The following PLCB1 variants were observed in gnomAD, a reference collection of about 807,000 sequenced individuals.
PLCB1 encodes phospholipase C beta 1, also known as 1-phosphatidylinositol 4,5-bisphosphate phosphodiesterase beta-1.
PLCB1 carries 46 observed loss-of-function variants against 161.8 expected under a neutral mutation model. The observed-to-expected ratio is 0.28, with a 90% CI of 0.22 to 0.36. The LOEUF is 0.36. Ranked by LOEUF, PLCB1 falls within the 10% of genes least tolerant of loss-of-function variation. PLCB1 has a pLI of 1.00. For missense variants in PLCB1, 1,016 were observed against 1,472.5 expected (o/e 0.69, Z 5.07); for synonymous variants, 517 against 503.7 (o/e 1.03, Z -0.35).
At chr20:8,407,690 T>C (rs1339940168) in intron 3 of PLCB1, among the ~76,000 whole-genome samples, 2 of 152,042 alleles carry the variant, frequency 1.3e-5, no homozygotes, top group African/African-American at 4.8e-5. Context: ...AGGTTGAGAT[T>C]TGGGTGGGGA....
At chr20:8,841,200 C>T (rs1264031157) in intron 31 of PLCB1, among the ~76,000 whole-genome samples, 1 of 152,094 alleles carries the variant, frequency 6.6e-6, no homozygotes, top group Non-Finnish European at 1.5e-5. Flanking sequence ...AAAAATAAGT[C>T]ATCACCATTT....
At chr20:8,180,988 T>C (rs2051836018) in intron 2 of PLCB1, among the ~76,000 whole-genome samples, 1 of 151,554 alleles carries the variant, frequency 6.6e-6, no homozygotes, top group Admixed American at 6.6e-5. Flanking sequence ...TGTGCGTGTG[T>C]GTGTAAAGAA....
At chr20:8,399,376 A>G (rs1043050477) in intron 3 of PLCB1, among the ~76,000 whole-genome samples, 1 of 152,110 alleles carries the variant, frequency 6.6e-6, no homozygotes, top group African/African-American at 2.4e-5. Flanking sequence ...CAAAAAGTCC[A>G]ACTTTTGTCT....
intron 2 of PLCB1, among the ~76,000 whole-genome samples, chr20:8,213,374 C>T (rs1978936573): frequency 1.3e-5 from 2 of 152,100 alleles, no homozygotes; most frequent in African/African-American, 4.8e-5. Flanking sequence ...GGGAAGTGAT[C>T]TTAGCTCCAA....
chr20:8,368,235 A>G (rs922811868), intron 2 of PLCB1, among the ~76,000 whole-genome samples: 2 of 152,312 alleles, frequency 1.3e-5, no homozygotes, highest in Admixed American at 1.3e-4. Context: ...CCTTAAATAG[A>G]AAATATTACG....
At chr20:8,876,135 GA>G (rs1343401883) in intron 31 of PLCB1, among the ~76,000 whole-genome samples, 2 of 152,260 alleles carry the variant, frequency 1.3e-5, no homozygotes, top group Admixed American at 1.3e-4. Context: ...AGTTAACTGA[GA>G]AATTTAGAAT....
chr20:8,300,741 T>C (rs1983871905), intron 2 of PLCB1, among the ~76,000 whole-genome samples: 1 of 152,156 alleles, frequency 6.6e-6, no homozygotes, highest in Non-Finnish European at 1.5e-5. Flanking sequence ...CTCCCTTTTG[T>C]TTATTCACTC....
chr20:8,773,877 G>C (rs1046350500), intron 26 of PLCB1, among the ~76,000 whole-genome samples: 11 of 151,142 alleles, frequency 7.3e-5, no homozygotes, highest in African/African-American at 2.7e-4. Flanking sequence ...AGGAGGCTGA[G>C]GCAGGAGAAT....
intron 3 of PLCB1, among the ~76,000 whole-genome samples, chr20:8,557,028 AT>A (rs1985986091): frequency 2.0e-5 from 3 of 149,460 alleles, no homozygotes; most frequent in East Asian, 3.9e-4. Flanking sequence ...AATAAAAAAA[AT>A]AATAAAAATG....
intron 2 of PLCB1, among the ~76,000 whole-genome samples, chr20:8,169,625 A>G (rs968896035): frequency 2.6e-5 from 4 of 152,176 alleles, no homozygotes; most frequent in South Asian, 2.1e-4. Flanking sequence ...AAGGAATGCC[A>G]GTGTCTCAGG....
chr20:8,266,411 A>G (rs1197393577), intron 2 of PLCB1, among the ~76,000 whole-genome samples: 3 of 152,208 alleles, frequency 2.0e-5, no homozygotes, highest in Non-Finnish European at 2.9e-5. Flanking sequence ...TAGTCCAGTC[A>G]TAATATCATG....
intron 2 of PLCB1, among the ~76,000 whole-genome samples, chr20:8,273,963 C>A (rs1982404931): frequency 6.6e-6 from 1 of 152,036 alleles, no homozygotes; most frequent in South Asian, 2.1e-4. Flanking sequence ...AAATGTATCT[C>A]CATATGTTAA....
intron 3 of PLCB1, among the ~76,000 whole-genome samples, chr20:8,475,582 C>CT: frequency 6.6e-6 from 1 of 152,150 alleles, no homozygotes; most frequent in East Asian, 1.9e-4. Flanking sequence ...ACAAATGTAA[C>CT]TTTTTTCTAC....
intron 2 of PLCB1, among the ~76,000 whole-genome samples, chr20:8,260,049 TA>T (rs1981615874): frequency 6.6e-6 from 1 of 152,108 alleles, no homozygotes; most frequent in Non-Finnish European, 1.5e-5. Flanking sequence ...GGCCAAGGAA[TA>T]AAGACTACTA....
chr20:8,420,611 A>G (rs1312144903), intron 3 of PLCB1, among the ~76,000 whole-genome samples: 1 of 152,174 alleles, frequency 6.6e-6, no homozygotes, highest in Non-Finnish European at 1.5e-5. Flanking sequence ...CCCACTCATA[A>G]GAGAGAACAC....
Position 8,132,793 on chromosome 20 carries a change from C to G in PLCB1, c.99+43C>G. ...CCGAGTCGGGGCGCTGGCTCGGGCA[C>G]CGGGCAGGGCGGGCGTCGTGGGGGT... On this transcript the variant is annotated intron_variant, in intron 1 of 31. Transcript: ENST00000338037. This position sits in a 1 kb window ranked among gnomAD's most constrained non-coding sequence, Gnocchi z 5.2. The G allele has an allele frequency of 6.9e-7, 1 of 1,446,946 alleles. No homozygotes were observed. The highest frequency in any genetic ancestry group is 1.4e-5 in the African/African-American group (1 of 71,532). 89.6% of individuals were successfully genotyped at this position (1,446,946 alleles called of 1,614,324 possible). A position where few individuals can be genotyped will look rare whatever the true frequency, so the allele number is the denominator to read the frequency against.
At chr20:8,346,980 A>AT (rs1255325868) in intron 2 of PLCB1, among the ~76,000 whole-genome samples, 2 of 152,238 alleles carry the variant, frequency 1.3e-5, no homozygotes, top group African/African-American at 4.8e-5. Flanking sequence ...AGAAATTGGG[A>AT]TTTTAAAGCA....
intron 30 of PLCB1, 70 bp from the exon 31 acceptor site, chr20:8,790,105 C>T (rs1310859435): frequency 4.9e-6 from 5 of 1,012,496 alleles, no homozygotes; most frequent in Admixed American, 4.1e-5. Context: ...GAAAAGCTTT[C>T]GGTATTTTCT....
intron 2 of PLCB1, among the ~76,000 whole-genome samples, chr20:8,282,907 A>G (rs1220424708): frequency 6.8e-6 from 1 of 148,074 alleles, no homozygotes; most frequent in African/African-American, 2.6e-5. Context: ...ACAGACATCC[A>G]AGTGTCTTAT....
Sources: gnomAD v4.1 joint callset for allele counts (sites outside exome capture counted in the v4.1 genomes callset) on GRCh38, gnomAD v4.1.1 for gene constraint, Gnocchi (gnomAD v3.1) non-coding constraint, MANE v1.5 for transcripts, NCBI Gene and HGNC (gene_info 2026-07-23, HGNC 2026-07-21) for gene names.